The following PIF1 variants were observed in gnomAD, a reference collection of about 807,000 sequenced individuals.
The protein encoded by PIF1 is ATP-dependent DNA helicase PIF1.
A neutral mutation model predicts 62.3 loss-of-function variants in PIF1; 67 were observed. The observed-to-expected ratio is 1.08, with a 90% confidence interval of 0.88 to 1.32. The LOEUF (loss-of-function observed/expected upper bound fraction) is 1.32. PIF1 is among the 40% of genes most tolerant of loss of function. The probability of loss-of-function intolerance (pLI) is 0.00; values close to 1 mark genes in which losing one functional copy is unlikely to be tolerated. For missense variants in PIF1, 886 were observed against 866.1 expected (o/e 1.02, Z -0.29); for synonymous variants, 364 against 379.5 (o/e 0.96, Z 0.47).
At chr15:64,823,747 C>G in intron 2 of PIF1, 31 bp downstream of exon 2, 4 of 1,299,390 alleles carry the variant, frequency 3.1e-6, no homozygotes, top group Non-Finnish European at 3.9e-6. Context: ...CACATCTACT[C>G]CTAAAGGTGT....
In PIF1 at chr15:64,819,932, C is replaced by T. The variant is rs1256842692; in HGVS notation, c.1248G>A (p.Gly416=). The change falls in exon 8 of 13, where the codon GGG becomes GGA. Residue 416 remains glycine, a synonymous_variant. Transcript: ENST00000559239. ...GCCTCGTGGCCACAATCCCATCTCG[C>T]CCCACCTTGTGGGAAGCTGTGGCCT... ...QLQATASHKV[G]RDGIVATRLC... 3.1e-6 allele frequency: 5 copies of T among 1,614,054 alleles called. No homozygotes were observed. Among genetic ancestry groups the T allele is most frequent in the Admixed American group, 1.7e-5 (1 of 59,996 alleles).
intron 7 of PIF1, 39 bp downstream of exon 7, chr15:64,820,943 C>T: frequency 1.9e-6 from 3 of 1,569,856 alleles, no homozygotes; most frequent in Non-Finnish European, 1.7e-6. Context: ...ATGCCTGGAT[C>T]CTCATCCCAT....
intron 2 of PIF1, among the ~76,000 whole-genome samples, chr15:64,822,975 A>G (rs187990817): frequency 2.0e-4 from 30 of 150,878 alleles, no homozygotes; most frequent in African/African-American, 7.1e-4. Context: ...CCCAAGCAAA[A>G]CCCTGTCTAG....
intron 8 of PIF1, 134 bp from the exon 9 acceptor site, chr15:64,819,357 C>T: frequency 3.1e-6 from 2 of 655,258 alleles, no homozygotes; most frequent in Non-Finnish European, 5.2e-6. Flanking sequence ...GTTGCCCAGA[C>T]TGGAGTGCAA....
chr15:64,819,123 C>T lies in PIF1; in HGVS notation c.1434G>A (p.Gly478=). Residue 478 remains glycine, a synonymous_variant, in exon 9 of 13, where the codon GGG becomes GGA. Coordinates refer to ENST00000559239, the MANE Select transcript of PIF1 (RefSeq NM_001286496.2). The stretch of plus-strand genomic sequence containing the variant: ...GGCCCTGCTTCCCACTCACCTGGGC[C>T]CCCAGCTTTAGTTGAAGGAGCTGGC... ...PVSQLLQLKL[G]AQVMLVKNLS... The T allele has an allele frequency of 1.9e-6, 3 of 1,588,022 alleles. No individual in the cohort carries two copies. In the South Asian group the frequency reaches 3.5e-5, roughly 18 times the overall value.
In PIF1 at chr15:64,815,922, G is replaced by T; in HGVS notation, c.*376C>A. The T allele has an allele frequency of 6.5e-7, 1 of 1,550,350 alleles. No homozygotes were observed. The highest frequency in any genetic ancestry group is 8.7e-7 in the Non-Finnish European group (1 of 1,146,938). ...CCCTGATGCTGCTTCCGGAGCACCT[G>T]TCTTCATTGCCTCTCCCTTCTGCAG... On this transcript the variant is annotated 3_prime_UTR_variant, in exon 13 of 13. Coordinates refer to ENST00000559239, the MANE Select transcript of PIF1 (RefSeq NM_001286496.2).
chr15:64,816,471 G>C, intron 12 of PIF1, 103 bp downstream of exon 12: 1 of 1,592,366 alleles, frequency 6.3e-7, no homozygotes, highest in Non-Finnish European at 8.6e-7. Flanking sequence ...CCAGCAGAGG[G>C]CTTTTCTGCC....
In PIF1 at chr15:64,815,661, C is replaced by T. The variant is rs1043011570; in HGVS notation, c.*637G>A. Reference sequence around the variant, plus strand: ...TACACAATTCTCTAGTTTATTTGTCCGAAATAAATACAACCTGAGAACATC... The same window carrying T: ...TACACAATTCTCTAGTTTATTTGTCTGAAATAAATACAACCTGAGAACATC... On this transcript the variant is annotated 3_prime_UTR_variant, in exon 13 of 13. Coordinates refer to ENST00000559239, the MANE Select transcript of PIF1 (RefSeq NM_001286496.2). 38 of 1,527,822 alleles carry T rather than the reference C, an allele frequency of 2.5e-5. No homozygotes were observed. Among genetic ancestry groups the T allele is most frequent in the Admixed American group, 2.3e-4 (11 of 48,272 alleles). The allele number at this position is 1,527,822 out of a possible 1,614,324, so 94.6% of individuals were successfully genotyped here. A position where few individuals can be genotyped will look rare whatever the true frequency, so the allele number is the denominator to read the frequency against.
intron 10 of PIF1, 62 bp downstream of exon 10, chr15:64,818,195 C>A (rs1036190926): frequency 1.6e-5 from 26 of 1,610,060 alleles, no homozygotes; most frequent in Non-Finnish European, 2.1e-5. Flanking sequence ...TCTCCCCCCA[C>A]CATTCCCGGG....
At chr15:64,819,731 G>T in intron 8 of PIF1, 116 bp downstream of exon 8, 2 of 1,370,606 alleles carry the variant, frequency 1.5e-6, no homozygotes, top group East Asian at 4.8e-5. Flanking sequence ...AAATATGAGG[G>T]CCTTTATGGC....
At chr15:64,822,163 C>G in intron 4 of PIF1, 103 bp downstream of exon 4, 1 of 1,474,364 alleles carries the variant, frequency 6.8e-7, no homozygotes, top group Non-Finnish European at 9.1e-7. Flanking sequence ...GAGTGAGCCA[C>G]GGCGCCCAGC....
In PIF1 at chr15:64,818,321, C is replaced by T. The variant is rs150668864; in HGVS notation, c.1464G>A (p.Ser488=). ...GAQVMLVKNL[S]VSRGLVNGAR... ...CACCATTCACCAGGCCCCGAGACAC[C>T]GATAAGTTTTTCACCAGCATCACCT... The change falls in exon 10 of 13, where the codon TCG becomes TCA. Residue 488 remains serine (S), a synonymous_variant. Coordinates refer to ENST00000559239, the MANE Select transcript of PIF1 (RefSeq NM_001286496.2). The T allele has an allele frequency of 1.1e-3, 1,776 of 1,614,022 alleles. 1 individual carries two copies. Among genetic ancestry groups the T allele is most frequent in the Middle Eastern group, 1.6e-3 (10 of 6,062 alleles).
chr15:64,823,307 G>C (rs1449061117), intron 2 of PIF1: 1 of 152,512 alleles, frequency 6.6e-6, no homozygotes, highest in Non-Finnish European at 1.5e-5. Context: ...GAGTGCAGTG[G>C]CGCGATCTAG....
In PIF1 at chr15:64,821,488, A is replaced by C; in HGVS notation, c.850T>G (p.Cys284Gly). The C allele has an allele frequency of 6.2e-7, 1 of 1,611,978 alleles. No individual in the cohort carries two copies. Among genetic ancestry groups the C allele is most frequent in the Non-Finnish European group, 8.5e-7 (1 of 1,179,596 alleles). The change falls in exon 5 of 13, where the codon TGT becomes GGT. Residue 284 changes from cysteine (C) to glycine (G), a missense_variant. By Grantham distance (159) the Cys-to-Gly change is radical. Transcript: ENST00000559239. The part of the protein sequence containing the change: ...IGSGQAPLAQ[C>G]VALAQRPGVR... ...CCTGGCCTTTGGGCCAGGGCCACAC[A>C]CTGGGCTAGAGGAGCCTGGCCTGAG...
At chr15:64,817,487 G>A (rs1178953674) in intron 11 of PIF1, among the ~76,000 whole-genome samples, 1 of 151,976 alleles carries the variant, frequency 6.6e-6, no homozygotes, top group Non-Finnish European at 1.5e-5. Context: ...GGAGCTTGCA[G>A]TGAGCCGAGA....
Position 64,821,366 on chromosome 15 carries a change from C to T in PIF1, c.971+1G>A, listed in dbSNP as rs2084284749. The T allele has an allele frequency of 1.2e-6, 2 of 1,613,874 alleles. No individual in the cohort carries two copies. The highest frequency in any genetic ancestry group is 3.3e-5 in the Admixed American group (2 of 59,988). ...ACCTGCTGCCCTCTGAACATACTGACCTGGCCACGGCCTCCAGTTTGTCAA... is the reference window on the plus strand; with the variant it reads ...ACCTGCTGCCCTCTGAACATACTGATCTGGCCACGGCCTCCAGTTTGTCAA... On this transcript the variant is annotated splice_donor_variant, in intron 5 of 12. Transcript: ENST00000559239. LOFTEE classifies it high-confidence loss of function.
At chr15:64,826,627 TATATATA>T (rs2084370643), upstream of PIF1, among the ~76,000 whole-genome samples, 2 of 11,046 alleles carry the variant, frequency 1.8e-4, no homozygotes, top group Non-Finnish European at 6.0e-4. Flanking sequence ...AGCTAATTTA[TATATATA>T]TATATATATA....
intron 11 of PIF1, among the ~76,000 whole-genome samples, chr15:64,817,533 C>A (rs1302562407): frequency 6.6e-6 from 1 of 151,208 alleles, no homozygotes; most frequent in Non-Finnish European, 1.5e-5. Context: ...GAGCAAGACT[C>A]TGTCTCAAAA....
In PIF1 at chr15:64,818,214, G is replaced by A. The variant is rs749142564; in HGVS notation, c.1528+43C>T. 3.7e-6 allele frequency: 6 copies of A among 1,611,724 alleles called. No homozygotes were observed. In the East Asian group the frequency reaches 8.9e-5, roughly 24 times the overall value. ...CCCCCACCATTCCCGGGGCCATGCTGCAAAGCCCCGTAGCAGGACTGCCAC... is the reference window on the plus strand; with the variant it reads ...CCCCCACCATTCCCGGGGCCATGCTACAAAGCCCCGTAGCAGGACTGCCAC... On this transcript the variant is annotated intron_variant, in intron 10 of 12. Coordinates refer to ENST00000559239, the MANE Select transcript of PIF1 (RefSeq NM_001286496.2).
Sources: allele counts gnomAD v4.1 joint callset (sites outside exome capture counted in the v4.1 genomes callset), GRCh38; gene constraint gnomAD v4.1.1; transcripts MANE v1.5; gene names NCBI Gene and HGNC (gene_info 2026-07-23, HGNC 2026-07-21).